POM121C: variants seen among roughly 807,000 people sequenced by gnomAD.
POM121C encodes the protein nuclear envelope pore membrane protein POM 121C.
A neutral mutation model predicts 66.4 loss-of-function variants in POM121C; 20 were observed. The observed-to-expected ratio is 0.30, with a 90% CI of 0.21 to 0.44. The LOEUF is 0.44. Among genes scored for constraint, POM121C ranks in the 20% least tolerant of loss-of-function variants. POM121C has a pLI of 1.00. For synonymous variants in POM121C, 286 were observed against 528.0 expected (o/e 0.54, Z 6.28); for missense variants, 580 against 1,225.7 (o/e 0.47, Z 7.87).
intron 3 of POM121C, among the ~76,000 whole-genome samples, chr7:75,471,042 C>T (rs1554478591): frequency 6.6e-6 from 1 of 151,932 alleles, no homozygotes; most frequent in African/African-American, 2.4e-5. Flanking sequence ...ACCAGAAATC[C>T]CCAATTCAGC....
At chr7:75,437,191 G>A (rs781786826) in intron 7 of POM121C, among the ~76,000 whole-genome samples, 7 of 152,274 alleles carry the variant, frequency 4.6e-5, no homozygotes, top group Admixed American at 3.3e-4. Context: ...TTTCTACTCC[G>A]TTCTGCTGGC....
chr7:75,440,160 C>T (rs147579418), intron 5 of POM121C, among the ~76,000 whole-genome samples: 10,993 of 151,814 alleles, frequency 0.072, 456 homozygotes, highest in Non-Finnish European at 0.1. Flanking sequence ...GGATTATAGG[C>T]GTGAGCCACC....
In POM121C at chr7:75,422,138, G is replaced by T. The variant is rs1554470834; in HGVS notation, c.2114C>A (p.Pro705His). The change falls in exon 13 of 15, where the codon CCC (proline) becomes CAC (histidine). Residue 705 changes from proline to histidine, a missense_variant. By Grantham distance (77) the Pro-to-His change is moderately conservative (BLOSUM62 -2). Transcript: ENST00000615331. The stretch of plus-strand genomic sequence containing the variant: ...CTGCCCCTCAGCGGCCCCAAATGCG[G>T]GCTGGGGGTTGGCTCCCGGATATGA... ...LPSYPGANPQ[P>H]AFGAAEGQPP... 6.2e-7 allele frequency: 1 copy of T among 1,601,188 alleles called. No homozygotes were observed. The highest frequency in any genetic ancestry group is 1.3e-5 in the African/African-American group (1 of 74,880).
At chr7:75,440,903 C>T in intron 5 of POM121C, 51 bp downstream of exon 5, 1 of 1,613,588 alleles carries the variant, frequency 6.2e-7, no homozygotes, top group South Asian at 1.1e-5. Flanking sequence ...ACATCTCATC[C>T]CATAGGGGTC....
At chr7:75,448,389 T>TCA (rs1554475152) in intron 3 of POM121C, among the ~76,000 whole-genome samples, 1 of 151,376 alleles carries the variant, frequency 6.6e-6, no homozygotes, top group African/African-American at 2.4e-5. Flanking sequence ...TACATATATT[T>TCA]ATATGTGCCT....
intron 3 of POM121C, among the ~76,000 whole-genome samples, chr7:75,448,070 T>A (rs1307712777): frequency 6.8e-6 from 1 of 146,690 alleles, no homozygotes; most frequent in Non-Finnish European, 1.5e-5. Context: ...AACACAAAAA[T>A]TAGCTAAGCG....
Position 75,418,511 on chromosome 7 carries a change from A to C in POM121C, c.*285T>G. On this transcript the variant is annotated 3_prime_UTR_variant, in exon 15 of 15. Transcript: ENST00000615331. ...GGGTGCGCTAAGCGGGAGTCAGGGC[A>C]GCGGACACTATGTACAGGTCCTTAG... 1 of 1,179,668 alleles carries C rather than the reference A, an allele frequency of 8.5e-7. No individual in the cohort carries two copies. The highest frequency in any genetic ancestry group is 1.0e-6 in the Non-Finnish European group (1 of 953,550). The allele number at this position is 1,179,668 out of a possible 1,614,324, so 73.1% of individuals were successfully genotyped here.
Position 75,421,981 on chromosome 7 carries a change from C to A in POM121C, c.2271G>T (p.Ala757=). The change falls in exon 13 of 15, where the codon GCG becomes GCT. Residue 757 remains alanine (A), a synonymous_variant. Coordinates refer to ENST00000615331, the MANE Select transcript of POM121C (RefSeq NM_001099415.3). ...APASTIKIVP[A]HVPTPIQPTF... is the part of the protein sequence containing the mutation. ...TAGGCTGGATGGGCGTAGGCACGTG[C>A]GCAGGCACGATCTTGATCGTGGACG... 2 of 1,613,890 alleles carry A rather than the reference C, an allele frequency of 1.2e-6. 1 individual carries two copies. Among genetic ancestry groups the A allele is most frequent in the South Asian group, 2.2e-5 (2 of 91,084 alleles).
chr7:75,477,348 C>T (rs1368474748), intron 1 of POM121C, among the ~76,000 whole-genome samples: 5 of 152,066 alleles, frequency 3.3e-5, no homozygotes, highest in African/African-American at 4.8e-5. Context: ...TTTAGAAGGC[C>T]GAGGCGGGCA....
intron 1 of POM121C, among the ~76,000 whole-genome samples, chr7:75,483,109 A>G (rs1346268199): frequency 6.6e-6 from 1 of 152,050 alleles, no homozygotes; most frequent in Non-Finnish European, 1.5e-5. Flanking sequence ...GTAAAAACAG[A>G]ATTGTTTACT....
Position 75,422,378 on chromosome 7 carries a change from A to G in POM121C, c.1874T>C (p.Leu625Ser). The G allele has an allele frequency of 2.5e-6, 4 of 1,610,866 alleles. No homozygotes were observed. Among genetic ancestry groups the G allele is most frequent in the Non-Finnish European group, 3.4e-6 (4 of 1,178,916 alleles). The stretch of plus-strand genomic sequence containing the variant: ...GGTGGTGACTGTGGTGGTTGTGGGC[A>G]AGGCAGGAGGTTTGCCAAACTGGAA... ...SIFQFGKPPA[L>S]PTTTTVTTFS... Residue 625 changes from leucine (L) to serine (S), a missense_variant, in exon 13 of 15, where the codon TTG becomes TCG. Transcript: ENST00000615331.
chr7:75,437,100 G>A (rs1314941792), intron 7 of POM121C, among the ~76,000 whole-genome samples: 1 of 152,110 alleles, frequency 6.6e-6, no homozygotes, highest in African/African-American at 2.4e-5. Context: ...TCTACCTTTC[G>A]AATCACCCTC....
intron 3 of POM121C, among the ~76,000 whole-genome samples, chr7:75,468,484 A>T (rs1205031614): frequency 2.0e-5 from 3 of 151,550 alleles, no homozygotes; most frequent in Non-Finnish European, 4.4e-5. Context: ...CACCTGGCTA[A>T]TTTTTTGTAT....
chr7:75,443,958 A>G (rs1790750144), intron 3 of POM121C, among the ~76,000 whole-genome samples: 1 of 80,180 alleles, frequency 1.2e-5, no homozygotes, highest in African/African-American at 3.6e-5. Context: ...AAAAAAAAAA[A>G]AAAGTTGTGA....
intron 7 of POM121C, among the ~76,000 whole-genome samples, chr7:75,432,109 C>T (rs587774193): frequency 3.4e-4 from 51 of 150,188 alleles, no homozygotes; most frequent in African/African-American, 1.2e-3. Context: ...TAGCTGAACC[C>T]AGGAGGTGGA....
At chr7:75,442,600 C>G in intron 3 of POM121C, 3 of 1,490,744 alleles carry the variant, frequency 2.0e-6, no homozygotes, top group Non-Finnish European at 1.8e-6. Flanking sequence ...GGCCGACCAG[C>G]GACAGGCCGA....
chr7:75,482,868 G>A (rs1792362208), intron 1 of POM121C, among the ~76,000 whole-genome samples: 1 of 152,186 alleles, frequency 6.6e-6, no homozygotes, highest in Non-Finnish European at 1.5e-5. Context: ...GCTAGGAAAT[G>A]CCCACTGGAT....
chr7:75,451,996 T>C (rs1554475609), intron 3 of POM121C, among the ~76,000 whole-genome samples: 1 of 146,498 alleles, frequency 6.8e-6, no homozygotes, highest in Non-Finnish European at 1.5e-5. Flanking sequence ...ACTGAATTAC[T>C]CTACTAAAAA....
At chr7:75,430,324 A>G (rs1212696258) in intron 7 of POM121C, among the ~76,000 whole-genome samples, 1 of 152,212 alleles carries the variant, frequency 6.6e-6, no homozygotes, top group African/African-American at 2.4e-5. Context: ...AAATAGTCCA[A>G]TGGAACAAAA....
Sources: gnomAD v4.1 joint callset for allele counts (sites outside exome capture counted in the v4.1 genomes callset) on GRCh38, gnomAD v4.1.1 for gene constraint, MANE v1.5 for transcripts, NCBI Gene and HGNC (gene_info 2026-07-23, HGNC 2026-07-21) for gene names.